Variants in LUZP2 observed in about 807,000 individuals in gnomAD.
LUZP2 encodes leucine zipper protein 2.
LUZP2 carries 52 observed loss-of-function variants against 51.6 expected under a neutral mutation model. That is an observed-to-expected ratio of 1.01 (90% confidence interval 0.81 to 1.27). The LOEUF (loss-of-function observed/expected upper bound fraction) is 1.27, where lower values mean the gene tolerates loss of function less well. Ranked by LOEUF, LUZP2 falls within the 50% of genes most tolerant of loss-of-function variation. The pLI is 0.00. For missense variants in LUZP2, 436 were observed against 395.4 expected (o/e 1.10, Z -0.87); for synonymous variants, 154 against 137.3 (o/e 1.12, Z -0.85).
chr11:25,060,198 G>T (rs1858797482), intron 10 of LUZP2, among the ~76,000 whole-genome samples: 1 of 152,096 alleles, frequency 6.6e-6, no homozygotes, highest in African/African-American at 2.4e-5. Context: ...AGACTGGGTG[G>T]TTTATAAATA....
chr11:24,999,781 G>T (rs373954972), intron 9 of LUZP2, among the ~76,000 whole-genome samples: 1 of 152,130 alleles, frequency 6.6e-6, no homozygotes, highest in African/African-American at 2.4e-5. Flanking sequence ...GTCCGGAATT[G>T]GTTCCTTCTG....
intron 5 of LUZP2, among the ~76,000 whole-genome samples, chr11:24,838,128 A>G (rs1850913039): frequency 6.6e-6 from 1 of 151,580 alleles, no homozygotes; most frequent in Non-Finnish European, 1.5e-5. Flanking sequence ...TCCCAATATC[A>G]CATTGCTGAT....
chr11:24,593,899 T>G (rs1853341160), intron 1 of LUZP2, among the ~76,000 whole-genome samples: 1 of 152,178 alleles, frequency 6.6e-6, no homozygotes, highest in South Asian at 2.1e-4. Context: ...TGAGAGATAT[T>G]GTTGTGGCCA....
chr11:25,005,906 C>T (rs1321812145), intron 9 of LUZP2, among the ~76,000 whole-genome samples: 1 of 152,094 alleles, frequency 6.6e-6, no homozygotes, highest in Admixed American at 6.5e-5. Flanking sequence ...GTATCGGGAT[C>T]TTACCCCTGT....
intron 5 of LUZP2, among the ~76,000 whole-genome samples, chr11:24,798,513 G>GA (rs1187644579): frequency 1.1e-4 from 16 of 152,124 alleles, no homozygotes; most frequent in Admixed American, 1.0e-3. Context: ...AGTTTAATTT[G>GA]AAAAACTAAC....
intron 9 of LUZP2, among the ~76,000 whole-genome samples, chr11:25,030,996 TATATATATATATATATATA>T (rs1565255251): frequency 0.17 from 690 of 4,020 alleles, 100 homozygotes; most frequent in African/African-American, 0.29. Context: ...CAATATATAT[TATATATATATATATATATA>T]TTTTTTTTTT....
intron 10 of LUZP2, among the ~76,000 whole-genome samples, chr11:25,063,036 A>T (rs1249545147): frequency 6.6e-6 from 1 of 151,500 alleles, no homozygotes; most frequent in Non-Finnish European, 1.5e-5. Context: ...AGAGAAAAAA[A>T]TACCCCAAAT....
chr11:24,565,021 G>A (rs1381212560), intron 1 of LUZP2, among the ~76,000 whole-genome samples: 3 of 152,128 alleles, frequency 2.0e-5, no homozygotes, highest in Admixed American at 6.6e-5. Flanking sequence ...AGTAATTAAT[G>A]GGGACATCGT....
At chr11:24,659,411 G>A (rs1203546876) in intron 1 of LUZP2, among the ~76,000 whole-genome samples, 1 of 151,988 alleles carries the variant, frequency 6.6e-6, no homozygotes. Flanking sequence ...CACACACCAG[G>A]GTCTGTTGTG....
At chr11:24,521,746 T>C (rs1850650153) in intron 1 of LUZP2, among the ~76,000 whole-genome samples, 1 of 152,120 alleles carries the variant, frequency 6.6e-6, no homozygotes, top group Non-Finnish European at 1.5e-5. Flanking sequence ...TCAAAACAGA[T>C]GGTGCCTTTC....
chr11:24,932,020 A>T (rs1854470828), intron 7 of LUZP2, among the ~76,000 whole-genome samples: 1 of 151,904 alleles, frequency 6.6e-6, no homozygotes, highest in Non-Finnish European at 1.5e-5. Flanking sequence ...AGTGATTGTT[A>T]TTTCTCTTCT....
intron 5 of LUZP2, among the ~76,000 whole-genome samples, chr11:24,859,558 AAAATGGC>A (rs1851670932): frequency 6.9e-6 from 1 of 145,136 alleles, no homozygotes; most frequent in African/African-American, 2.6e-5. Context: ...GGGTGGGACC[AAAATGGC>A]AACTAGAAGC....
At chr11:25,032,838 G>A (rs1182559683) in intron 9 of LUZP2, among the ~76,000 whole-genome samples, 3 of 152,144 alleles carry the variant, frequency 2.0e-5, no homozygotes, top group Non-Finnish European at 2.9e-5. Flanking sequence ...TTGTGATGGT[G>A]CTTATCTTAC....
intron 7 of LUZP2, among the ~76,000 whole-genome samples, chr11:24,958,281 C>T (rs891228324): frequency 6.6e-5 from 10 of 152,178 alleles, no homozygotes; most frequent in African/African-American, 2.4e-4. Flanking sequence ...AATGGGATGG[C>T]TGGGTCAAAT....
At chr11:25,001,379 C>T (rs571445690) in intron 9 of LUZP2, among the ~76,000 whole-genome samples, 1 of 152,266 alleles carries the variant, frequency 6.6e-6, no homozygotes, top group African/African-American at 2.4e-5. Flanking sequence ...TCCTTAATCG[C>T]CTCAGAGGAA....
chr11:24,670,578 T>G (rs1856372955), intron 1 of LUZP2, among the ~76,000 whole-genome samples: 1 of 152,038 alleles, frequency 6.6e-6, no homozygotes, highest in South Asian at 2.1e-4. Flanking sequence ...GCTGTTTTTT[T>G]GAAAACACAC....
intron 7 of LUZP2, among the ~76,000 whole-genome samples, chr11:24,941,798 T>C (rs2133850117): frequency 6.6e-6 from 1 of 152,280 alleles, no homozygotes; most frequent in East Asian, 1.9e-4. Flanking sequence ...ATAAAATCCA[T>C]CATTTCAGTT....
At chr11:24,728,779 C>T (rs1004519015) in intron 1 of LUZP2, among the ~76,000 whole-genome samples, 4 of 151,856 alleles carry the variant, frequency 2.6e-5, no homozygotes, top group Non-Finnish European at 5.9e-5. Flanking sequence ...TGTATGAGTC[C>T]GTTTCACACT....
chr11:24,971,565 T>G (rs1855735642), intron 7 of LUZP2, among the ~76,000 whole-genome samples: 1 of 152,144 alleles, frequency 6.6e-6, no homozygotes, highest in African/African-American at 2.4e-5. Context: ...GGATCTATAT[T>G]GCAAACCTCA....
Sources: allele counts gnomAD v4.1 joint callset (sites outside exome capture counted in the v4.1 genomes callset), GRCh38; gene constraint gnomAD v4.1.1; transcripts MANE v1.5; gene names NCBI Gene and HGNC (gene_info 2026-07-23, HGNC 2026-07-21).